Variants in KCNB2 observed in about 807,000 individuals in gnomAD.
KCNB2 encodes the protein delayed rectifier potassium channel protein.
Under a neutral mutation model 61.5 loss-of-function variants are expected in KCNB2, and 15 were observed. The ratio of observed to expected loss-of-function variants is 0.24; its 90% CI spans 0.16 to 0.38. The LOEUF (loss-of-function observed/expected upper bound fraction) is 0.38, where lower values mean the gene tolerates loss of function less well. Ranked by LOEUF, KCNB2 falls within the 10% of genes least tolerant of loss-of-function variation. The pLI, the probability that KCNB2 is intolerant of heterozygous loss-of-function variation, is 1.00. For synonymous variants in KCNB2, 457 were observed against 446.0 expected (o/e 1.02, Z -0.31); for missense variants, 828 against 1,125.2 (o/e 0.74, Z 3.78).
intron 2 of KCNB2, among the ~76,000 whole-genome samples, chr8:72,816,131 G>A (rs181289543): frequency 4.9e-4 from 74 of 152,260 alleles, no homozygotes; most frequent in African/African-American, 1.7e-3. Flanking sequence ...GGAAGCTGGG[G>A]TAGCATGGAT....
At chr8:72,550,188 G>A (rs779428204) in intron 1 of KCNB2, among the ~76,000 whole-genome samples, 26 of 152,182 alleles carry the variant, frequency 1.7e-4, no homozygotes, top group Non-Finnish European at 3.4e-4. Context: ...ACTTGCCCAA[G>A]GGCACTTGCC....
chr8:72,914,995 C>G (rs1347691858), intron 2 of KCNB2, among the ~76,000 whole-genome samples: 2 of 151,784 alleles, frequency 1.3e-5, no homozygotes, highest in African/African-American at 4.8e-5. Flanking sequence ...ACCTCCACCT[C>G]CTGTGTTGAA....
intron 1 of KCNB2, among the ~76,000 whole-genome samples, chr8:72,552,201 C>A (rs1173271606): frequency 2.0e-5 from 3 of 152,170 alleles, no homozygotes; most frequent in Admixed American, 2.0e-4. Context: ...ACAATCAAGG[C>A]AAAACATGTT....
At chr8:72,695,638 C>T (rs755025356) in intron 2 of KCNB2, among the ~76,000 whole-genome samples, 19 of 152,106 alleles carry the variant, frequency 1.2e-4, no homozygotes, top group Admixed American at 2.6e-4. Context: ...TTTCTTTAAA[C>T]GATAAAGGTA....
chr8:72,893,242 C>T (rs979092514), intron 2 of KCNB2, among the ~76,000 whole-genome samples: 1 of 151,990 alleles, frequency 6.6e-6, no homozygotes, highest in Non-Finnish European at 1.5e-5. Flanking sequence ...TCAGTTTGCT[C>T]TCTGGGCATG....
chr8:72,701,678 G>A (rs1037630830), intron 2 of KCNB2, among the ~76,000 whole-genome samples: 8 of 152,124 alleles, frequency 5.3e-5, no homozygotes. Flanking sequence ...AATTATGCAT[G>A]AGTTCAAGTG....
chr8:72,588,592 A>G (rs1249796000), intron 2 of KCNB2, among the ~76,000 whole-genome samples: 1 of 152,024 alleles, frequency 6.6e-6, no homozygotes, highest in Non-Finnish European at 1.5e-5. Flanking sequence ...AGAGGCACAG[A>G]CAAATTAAGA....
At chr8:72,559,118 ATTTTATTTTG>A (rs1305560806) in intron 1 of KCNB2, among the ~76,000 whole-genome samples, 3 of 151,566 alleles carry the variant, frequency 2.0e-5, no homozygotes, top group African/African-American at 7.3e-5. Context: ...TTCTTTCTTT[ATTTTATTTTG>A]TTTTATTTTA....
intron 2 of KCNB2, among the ~76,000 whole-genome samples, chr8:72,835,532 G>A (rs1202264261): frequency 6.6e-6 from 1 of 152,102 alleles, no homozygotes; most frequent in Non-Finnish European, 1.5e-5. Flanking sequence ...AGAGCTACGG[G>A]AACTGGACTT....
At chr8:72,824,410 G>GC (rs578234654) in intron 2 of KCNB2, among the ~76,000 whole-genome samples, 53 of 151,934 alleles carry the variant, frequency 3.5e-4, no homozygotes, top group African/African-American at 1.2e-3. Context: ...CAGTTCCCCA[G>GC]CCCCCCTGTA....
chr8:72,560,366 T>A (rs547691929), intron 1 of KCNB2, among the ~76,000 whole-genome samples: 5 of 152,344 alleles, frequency 3.3e-5, no homozygotes, highest in Admixed American at 2.6e-4. Context: ...GTAAAACTTA[T>A]GTCATTCACC....
chr8:72,714,727 C>G (rs1278384766), intron 2 of KCNB2, among the ~76,000 whole-genome samples: 1 of 152,174 alleles, frequency 6.6e-6, no homozygotes, highest in Non-Finnish European at 1.5e-5. Context: ...TAAAGACCAT[C>G]AAGGCTAGGA....
chr8:72,736,695 A>G (rs1356477343), intron 2 of KCNB2, among the ~76,000 whole-genome samples: 1 of 152,170 alleles, frequency 6.6e-6, no homozygotes, highest in Non-Finnish European at 1.5e-5. Context: ...AATGCATTCT[A>G]AATTAACCTA....
intron 2 of KCNB2, among the ~76,000 whole-genome samples, chr8:72,606,450 A>G (rs1025759634): frequency 2.0e-5 from 3 of 152,236 alleles, no homozygotes; most frequent in African/African-American, 7.2e-5. Flanking sequence ...TCTAATTATT[A>G]TCTCTGCATG....
At chr8:72,774,780 G>A (rs892859026) in intron 2 of KCNB2, among the ~76,000 whole-genome samples, 2 of 151,940 alleles carry the variant, frequency 1.3e-5, no homozygotes, top group Admixed American at 6.6e-5. Context: ...ACTGCAATAT[G>A]TTTAGATCAG....
chr8:72,814,021 G>A (rs1446890448), intron 2 of KCNB2, among the ~76,000 whole-genome samples: 2 of 151,938 alleles, frequency 1.3e-5, no homozygotes, highest in African/African-American at 4.8e-5. Flanking sequence ...CCCACCCCAT[G>A]ACAGGCTCCT....
intron 2 of KCNB2, among the ~76,000 whole-genome samples, chr8:72,707,697 C>T (rs775564067): frequency 2.0e-5 from 3 of 152,178 alleles, no homozygotes; most frequent in Non-Finnish European, 4.4e-5. Context: ...GAAAACAGAA[C>T]GTGAGTAAGG....
chr8:72,893,756 T>G (rs1805939625), intron 2 of KCNB2, among the ~76,000 whole-genome samples: 1 of 152,218 alleles, frequency 6.6e-6, no homozygotes, highest in South Asian at 2.1e-4. Flanking sequence ...TTATCCAAAC[T>G]TAAAAGCCAA....
intron 2 of KCNB2, among the ~76,000 whole-genome samples, chr8:72,917,767 C>A (rs1472273234): frequency 6.6e-6 from 1 of 152,138 alleles, no homozygotes; most frequent in Non-Finnish European, 1.5e-5. Context: ...TTAAAAGCCC[C>A]CACTAATCAA....
Sources: allele counts gnomAD v4.1 joint callset (sites outside exome capture counted in the v4.1 genomes callset), GRCh38; gene constraint gnomAD v4.1.1; transcripts MANE v1.5; gene names NCBI Gene and HGNC (gene_info 2026-07-23, HGNC 2026-07-21).